Variants in IL1RAPL2 observed in about 807,000 individuals in gnomAD.
IL1RAPL2 encodes the protein X-linked interleukin-1 receptor accessory protein-like 2.
A neutral mutation model predicts 44.1 loss-of-function variants in IL1RAPL2; 3 were observed. The observed-to-expected ratio is 0.07, with a 90% CI of 0.03 to 0.18. IL1RAPL2 has a LOEUF of 0.18. Ranked by LOEUF, IL1RAPL2 falls within the 10% of genes least tolerant of loss-of-function variation. The probability of loss-of-function intolerance (pLI) is 1.00; values close to 1 mark genes in which losing one functional copy is unlikely to be tolerated. For synonymous variants in IL1RAPL2, 181 were observed against 178.8 expected (o/e 1.01, Z -0.10); for missense variants, 391 against 496.4 (o/e 0.79, Z 2.02).
chrX:105,546,181 A>G (rs758794694), intron 6 of IL1RAPL2, among the ~76,000 whole-genome samples: 27 of 111,632 alleles, frequency 2.4e-4, no homozygotes, highest in Non-Finnish European at 4.5e-4. Flanking sequence ...GGGAAAGAAT[A>G]AGAATGGAAG....
intron 6 of IL1RAPL2, among the ~76,000 whole-genome samples, chrX:105,540,499 G>T (rs937931440): frequency 1.8e-5 from 2 of 109,487 alleles, no homozygotes; most frequent in Admixed American, 2.0e-4. Context: ...CATAAAGATG[G>T]CAAGAATAGA....
rs1261341667 is a variant in IL1RAPL2 at position 104,789,470 on chromosome X, G to A, written c.82+130475G>A. ...TTGTTATCCCCTGTCAATGGGATAA[G>A]TTAGTCTCTAGCTTATACAGTATAT... On this transcript the variant is annotated intron_variant, in intron 2 of 10. Coordinates refer to ENST00000372582, the MANE Select transcript of IL1RAPL2 (RefSeq NM_017416.2). Among the ~76,000 whole-genome samples the A allele has an allele frequency of 2.7e-5, 3 of 111,645 alleles. No individual in the cohort carries two copies. The South Asian group carries it at 1.1e-3, about 42-fold the overall frequency.
At chrX:104,678,459 A>G (rs917830054) in intron 2 of IL1RAPL2, among the ~76,000 whole-genome samples, 61 of 111,882 alleles carry the variant, frequency 5.5e-4, no homozygotes, top group African/African-American at 1.9e-3. Flanking sequence ...GCATGCTTCT[A>G]TTGGCTACGT....
rs11377516 is a variant in IL1RAPL2, at chrX:105,607,635, C to CAAAAAAAAAAAAA, written c.773-109716_773-109704dup. Among the ~76,000 whole-genome samples the CAAAAAAAAAAAAA allele has an allele frequency of 3.2e-4, 5 of 15,726 alleles. 1 individual carries two copies. Among genetic ancestry groups the CAAAAAAAAAAAAA allele is most frequent in the Admixed American group, 1.4e-3 (1 of 720 alleles). The allele number at this position is 15,726 out of a possible 115,157, so 13.7% of individuals were successfully genotyped here. ...AAAAGATGCATGGACATTCAGCAGA[C>CAAAAAAAAAAAAA]AAAAAAAAAAAAAAAAAAAAAAAAA... On this transcript the variant is annotated intron_variant, in intron 6 of 10. Transcript: ENST00000372582.
intron 5 of IL1RAPL2, among the ~76,000 whole-genome samples, chrX:105,312,172 A>G (rs769709175): frequency 3.0e-4 from 34 of 111,549 alleles, no homozygotes; most frequent in African/African-American, 1.0e-3. Flanking sequence ...AGAAAATTTG[A>G]CCCAACATGG....
chrX:105,217,634 C>T (rs2033876872), intron 3 of IL1RAPL2, among the ~76,000 whole-genome samples: 1 of 112,068 alleles, frequency 8.9e-6, no homozygotes, highest in Non-Finnish European at 1.9e-5. Flanking sequence ...CATGCTGCCA[C>T]AAAGACACAT....
intron 6 of IL1RAPL2, among the ~76,000 whole-genome samples, chrX:105,533,044 G>T (rs1182365931): frequency 9.1e-6 from 1 of 110,014 alleles, no homozygotes; most frequent in African/African-American, 3.3e-5. Context: ...ACAAAAATTA[G>T]CCAGGCGTGG....
chrX:104,728,965 A>G (rs759096409), intron 2 of IL1RAPL2, among the ~76,000 whole-genome samples: 2 of 111,840 alleles, frequency 1.8e-5, no homozygotes, highest in Admixed American at 9.5e-5. Flanking sequence ...CTCTTGTATT[A>G]TAGTCTAGGA....
At chrX:104,849,988 C>G (rs1217415994) in intron 2 of IL1RAPL2, among the ~76,000 whole-genome samples, 1 of 110,784 alleles carries the variant, frequency 9.0e-6, no homozygotes, top group Non-Finnish European at 1.9e-5. Flanking sequence ...TATATATACA[C>G]AAAAGATCCT....
Position 104,679,700 on chromosome X carries a change from A to G in IL1RAPL2, c.82+20705A>G, listed in dbSNP as rs189893223. 3.6e-5 allele frequency among the ~76,000 whole-genome samples: 4 copies of G among 111,436 alleles called. No individual in the cohort carries two copies. The East Asian group carries it at 1.1e-3, about 32-fold the overall frequency. Reference sequence around the variant, plus strand: ...TGCCCTTTTTGCTGCTCTTGGTAAGAGCTTTGTCTGCCATTTTCACATTCT... The same window carrying G: ...TGCCCTTTTTGCTGCTCTTGGTAAGGGCTTTGTCTGCCATTTTCACATTCT... On this transcript the variant is annotated intron_variant, in intron 2 of 10. Coordinates refer to ENST00000372582, the MANE Select transcript of IL1RAPL2 (RefSeq NM_017416.2).
chrX:105,649,772 G>T (rs1214935729), intron 6 of IL1RAPL2, among the ~76,000 whole-genome samples: 1 of 111,644 alleles, frequency 9.0e-6, no homozygotes, highest in African/African-American at 3.3e-5. Context: ...CATGTCAAGG[G>T]AAAGGTCATA....
At chrX:104,710,742 A>G (rs1473557488) in intron 2 of IL1RAPL2, among the ~76,000 whole-genome samples, 1 of 109,891 alleles carries the variant, frequency 9.1e-6, no homozygotes, top group Non-Finnish European at 1.9e-5. Context: ...GATCTGAAAA[A>G]CTCCTATCAT....
intron 2 of IL1RAPL2, among the ~76,000 whole-genome samples, chrX:105,075,699 A>T (rs1273338625): frequency 8.9e-6 from 1 of 111,812 alleles, no homozygotes; most frequent in Non-Finnish European, 1.9e-5. Context: ...GTAAGCTATT[A>T]ATTATTGCCT....
At chrX:105,363,294 A>G (rs1171727972) in intron 5 of IL1RAPL2, among the ~76,000 whole-genome samples, 6 of 76,245 alleles carry the variant, frequency 7.9e-5, no homozygotes, top group Non-Finnish European at 8.5e-5. Context: ...TATATAATAT[A>G]TATATATATA....
intron 2 of IL1RAPL2, among the ~76,000 whole-genome samples, chrX:104,809,374 C>G (rs1159396631): frequency 2.7e-5 from 3 of 111,607 alleles, no homozygotes; most frequent in Non-Finnish European, 3.8e-5. Flanking sequence ...TTCTCCACAT[C>G]CTCTCCAGCA....
chrX:104,706,313 C>T (rs889461459), intron 2 of IL1RAPL2, among the ~76,000 whole-genome samples: 2 of 112,237 alleles, frequency 1.8e-5, no homozygotes, highest in Non-Finnish European at 3.8e-5. Flanking sequence ...TTTAGCTCCT[C>T]GCAGATTACA....
chrX:105,569,261 G>A (rs1198827567), intron 6 of IL1RAPL2, among the ~76,000 whole-genome samples: 1 of 111,462 alleles, frequency 9.0e-6, no homozygotes, highest in Non-Finnish European at 1.9e-5. Flanking sequence ...AACCATTGTG[G>A]AATATTATGA....
chrX:105,118,175 G>T (rs1190892589), intron 2 of IL1RAPL2, among the ~76,000 whole-genome samples: 1 of 112,460 alleles, frequency 8.9e-6, no homozygotes, highest in Non-Finnish European at 1.9e-5. Context: ...TATGTACTGT[G>T]ACTGTGTCAA....
intron 5 of IL1RAPL2, among the ~76,000 whole-genome samples, chrX:105,420,644 C>T (rs1364077975): frequency 8.9e-6 from 1 of 112,079 alleles, no homozygotes; most frequent in Non-Finnish European, 1.9e-5. Context: ...TTATGTCCCT[C>T]AATTAGTAGC....
Sources: allele counts gnomAD v4.1 joint callset (sites outside exome capture counted in the v4.1 genomes callset), GRCh38; gene constraint gnomAD v4.1.1; transcripts MANE v1.5; gene names NCBI Gene and HGNC (gene_info 2026-07-23, HGNC 2026-07-21).